The following DIAPH1 variants were observed in gnomAD, a reference collection of about 807,000 sequenced individuals.
DIAPH1 encodes the protein diaphanous related formin 1.
A neutral mutation model predicts 140.7 loss-of-function variants in DIAPH1; 46 were observed. That is an observed-to-expected ratio of 0.33 (90% CI 0.26 to 0.42). The LOEUF (loss-of-function observed/expected upper bound fraction) is 0.42. DIAPH1 is among the 10% of genes least tolerant of loss of function. DIAPH1 has a pLI of 1.00. For synonymous variants in DIAPH1, 565 were observed against 551.6 expected, an observed-to-expected ratio of 1.02 and a Z score of -0.34; for missense variants, 1,310 against 1,558.7, an observed-to-expected ratio of 0.84 and a Z score of 2.69.
intron 15 of DIAPH1, among the ~76,000 whole-genome samples, 163 bp downstream of exon 15, chr5:141,574,804 A>G (rs1005742565): frequency 1.3e-5 from 2 of 152,140 alleles, no homozygotes; most frequent in Non-Finnish European, 2.9e-5. Flanking sequence ...CTTACCCCCA[A>G]CACAAACCAA....
intron 1 of DIAPH1, among the ~76,000 whole-genome samples, chr5:141,596,621 G>T (rs982896737): frequency 2.6e-5 from 4 of 151,938 alleles, no homozygotes; most frequent in African/African-American, 7.3e-5. Flanking sequence ...CATTCATATT[G>T]AAGTAATATT....
intron 1 of DIAPH1, among the ~76,000 whole-genome samples, chr5:141,591,847 G>A (rs1166923343): frequency 6.7e-6 from 1 of 150,004 alleles, no homozygotes; most frequent in Non-Finnish European, 1.5e-5. Flanking sequence ...ACTTTGGGAG[G>A]CCGAGTCGGG....
chr5:141,522,568 C>T (rs1375003335), intron 27 of DIAPH1, among the ~76,000 whole-genome samples: 1 of 142,454 alleles, frequency 7.0e-6, no homozygotes, highest in Non-Finnish European at 1.5e-5. Context: ...AGGCACTTAG[C>T]CGACGGGGTC....
intron 1 of DIAPH1, among the ~76,000 whole-genome samples, chr5:141,598,673 A>G (rs1393161995): frequency 3.9e-5 from 6 of 152,220 alleles, no homozygotes; most frequent in Non-Finnish European, 5.9e-5. Flanking sequence ...GAAACTTCCT[A>G]GATACTTTAT....
intron 1 of DIAPH1, among the ~76,000 whole-genome samples, chr5:141,589,568 CTG>C (rs2099898058): frequency 8.0e-6 from 1 of 125,132 alleles, no homozygotes; most frequent in Non-Finnish European, 1.6e-5. Flanking sequence ...ACATGTAACA[CTG>C]TATTATTTGG....
intron 1 of DIAPH1, chr5:141,618,365 G>A (rs1288728474): frequency 6.5e-6 from 1 of 154,532 alleles, no homozygotes; most frequent in Non-Finnish European, 1.4e-5. Context: ...AGAAGGAAGT[G>A]ACCTTTAGGA....
intron 1 of DIAPH1, among the ~76,000 whole-genome samples, chr5:141,609,444 G>C (rs1379944724): frequency 6.6e-6 from 1 of 152,198 alleles, no homozygotes; most frequent in Non-Finnish European, 1.5e-5. Flanking sequence ...TTTTGAATCA[G>C]CTAGGCCTAG....
chr5:141,591,337 T>C (rs2099898364), intron 1 of DIAPH1, among the ~76,000 whole-genome samples: 1 of 152,032 alleles, frequency 6.6e-6, no homozygotes, highest in African/African-American at 2.4e-5. Context: ...CTTCTGATTG[T>C]CTGTTTCCTC....
intron 18 of DIAPH1, among the ~76,000 whole-genome samples, chr5:141,552,789 GAA>G (rs1258737306): frequency 1.3e-5 from 2 of 152,276 alleles, no homozygotes; most frequent in East Asian, 3.9e-4. Flanking sequence ...GCACACAGAA[GAA>G]AAGACCACAC....
chr5:141,606,577 T>C (rs1370148238), intron 1 of DIAPH1, among the ~76,000 whole-genome samples: 1 of 152,138 alleles, frequency 6.6e-6, no homozygotes, highest in East Asian at 1.9e-4. Flanking sequence ...GTATTTTTAG[T>C]AGAGACGGGG....
At chr5:141,593,137 T>C (rs1036676201) in intron 1 of DIAPH1, among the ~76,000 whole-genome samples, 92 of 152,248 alleles carry the variant, frequency 6.0e-4, no homozygotes, top group African/African-American at 2.1e-3. Context: ...ACTTTAAGGA[T>C]CCTCAAAAGG....
intron 1 of DIAPH1, among the ~76,000 whole-genome samples, chr5:141,603,533 A>G (rs765773846): frequency 1.5e-4 from 23 of 152,188 alleles, no homozygotes; most frequent in Non-Finnish European, 2.2e-4. Flanking sequence ...GGAACAATGA[A>G]AGATTCTAGG....
rs752510907 is a variant in DIAPH1, at chr5:141,574,150, G to T, written c.1700C>A (p.Ala567Glu). ...DAKKEMASLS[A>E]AAITVPPSVP... ...AGAAGGAGGTACAGTAATAGCTGCC[G>T]CAGAGAGGGAAGCCATTTCTTTCTT... Residue 567 changes from alanine to glutamate, a missense_variant, in exon 16 of 28, where the codon GCG becomes GAG. By Grantham distance (107) the Ala-to-Glu change is moderately radical (BLOSUM62 -1). Around this residue, in one of 3 missense-constraint regions of DIAPH1, gnomAD observed 589 missense variants for 549.3 expected, o/e 1.07. Transcript: ENST00000389054. The T allele has an allele frequency of 6.2e-7, 1 of 1,614,056 alleles. No homozygotes were observed. The highest frequency in any genetic ancestry group is 1.1e-5 in the South Asian group (1 of 91,080).
rs375904152 is a variant in DIAPH1 at position 141,577,507 on chromosome 5, G to C, written c.1248C>G (p.His416Gln). ...CATAGTCATTTCGGACCAAGAGTAA[G>C]TGCTGCAGGATGGAAAGGAAGTGTG... is the stretch of plus-strand genomic sequence containing the variant. The part of the protein sequence containing the change: ...AEPHFLSILQ[H>Q]LLLVRNDYEA... The change falls in exon 12 of 28, where the codon CAC becomes CAG. Residue 416 changes from histidine (H) to glutamine (Q), a missense_variant. Physicochemically the swap from His to Gln is conservative, Grantham distance 24. Transcript: ENST00000389054. The C allele has an allele frequency of 8.1e-6, 13 of 1,613,776 alleles. No individual in the cohort carries two copies. In the Middle Eastern group the frequency reaches 8.2e-4, roughly 102 times the overall value.
In DIAPH1 at chr5:141,579,947, C is replaced by CA. The variant is rs796966377; in HGVS notation, c.825-752dup. Among the ~76,000 whole-genome samples, 570 of 76,010 alleles carry CA rather than the reference C, an allele frequency of 7.5e-3. 2 individuals are homozygous for CA. The highest frequency in any genetic ancestry group is 0.021 in the African/African-American group (420 of 19,890). The allele number at this position is 76,010 out of a possible 152,430, so 49.9% of individuals were successfully genotyped here. ...TGGGGAACAGAGCGAGCCTCCGTCT[C>CA]AAAAAAAAAAAAGGAAAAAAAAAAA... On this transcript the variant is annotated intron_variant, in intron 8 of 27. Transcript: ENST00000389054.
intron 1 of DIAPH1, among the ~76,000 whole-genome samples, chr5:141,610,917 A>T (rs2099901732): frequency 6.6e-6 from 1 of 151,666 alleles, no homozygotes; most frequent in African/African-American, 2.4e-5. Context: ...ACTATAAAAA[A>T]AAAAAAAAGA....
chr5:141,524,176 C>T lies in DIAPH1; in HGVS notation c.3628G>A (p.Ala1210Thr), dbSNP rs2099886957. The stretch of plus-strand genomic sequence containing the variant: ...GGCCCTCTCTTCCGTCGGAATGCTG[C>T]CCCTGACTGCAGGGCTTCTAGAAGA... Reference protein sequence around the residue: ...DSLLEALQSGAAFRRKRGPRQ... With the variant: ...DSLLEALQSGTAFRRKRGPRQ... Residue 1210 changes from alanine (A) to threonine (T), a missense_variant, in exon 27 of 28, where the codon GCA becomes ACA. Transcript: ENST00000389054. 6.2e-7 allele frequency: 1 copy of T among 1,614,168 alleles called. No individual in the cohort carries two copies. The highest frequency in any genetic ancestry group is 8.5e-7 in the Non-Finnish European group (1 of 1,180,006).
chr5:141,607,446 G>T (rs1474162424), intron 1 of DIAPH1, among the ~76,000 whole-genome samples: 1 of 152,168 alleles, frequency 6.6e-6, no homozygotes, highest in African/African-American at 2.4e-5. Context: ...TCTACGTAGC[G>T]GAAATAACTT....
intron 27 of DIAPH1, among the ~76,000 whole-genome samples, chr5:141,519,968 G>A (rs963048644): frequency 5.9e-5 from 9 of 152,238 alleles, no homozygotes; most frequent in African/African-American, 2.2e-4. Context: ...ACTGGTGAAT[G>A]CTCTCTGAGG....
Sources: gnomAD v4.1 joint callset for allele counts (sites outside exome capture counted in the v4.1 genomes callset) on GRCh38, gnomAD v4.1.1 for gene constraint, gnomAD v4.1.1 regional missense constraint, MANE v1.5 for transcripts, NCBI Gene and HGNC (gene_info 2026-07-23, HGNC 2026-07-21) for gene names.